Variants in LRBA observed in about 807,000 individuals in gnomAD.
The protein encoded by LRBA is LPS responsive beige-like anchor protein.
In LRBA, 176 loss-of-function variants were observed where a neutral mutation model predicts 330.0. The ratio of observed to expected loss-of-function variants is 0.53; its 90% CI spans 0.47 to 0.60. LRBA has a LOEUF of 0.60. Ranked by LOEUF, LRBA falls within the 20% of genes least tolerant of loss-of-function variation. The probability of loss-of-function intolerance (pLI) is 0.00; values close to 1 mark genes in which losing one functional copy is unlikely to be tolerated. For missense variants in LRBA, 3,259 were observed against 3,444.8 expected, an observed-to-expected ratio of 0.95 and a Z score of 1.35; for synonymous variants, 1,230 against 1,193.0, an observed-to-expected ratio of 1.03 and a Z score of -0.64.
chr4:150,943,689 A>G (rs1198077783), intron 2 of LRBA, among the ~76,000 whole-genome samples: 1 of 152,236 alleles, frequency 6.6e-6, no homozygotes, highest in Non-Finnish European at 1.5e-5. Context: ...TGAAGTTAGT[A>G]AGTAAACAAA....
chr4:150,739,767 C>T (rs1731697649), intron 35 of LRBA, among the ~76,000 whole-genome samples: 2 of 152,080 alleles, frequency 1.3e-5, no homozygotes, highest in South Asian at 4.1e-4. Context: ...TGAGTAGAGC[C>T]CCAGACAACA....
chr4:150,285,021 A>G (rs1365398436), intron 54 of LRBA, among the ~76,000 whole-genome samples: 1 of 152,220 alleles, frequency 6.6e-6, no homozygotes, highest in Non-Finnish European at 1.5e-5. Flanking sequence ...ATTGAGTATA[A>G]GGGAAAAATC....
intron 53 of LRBA, among the ~76,000 whole-genome samples, chr4:150,288,287 C>A (rs1186712751): frequency 2.0e-5 from 3 of 151,484 alleles, no homozygotes; most frequent in Admixed American, 1.3e-4. Flanking sequence ...CCAGGATCCA[C>A]AAATTTTAGG....
intron 37 of LRBA, among the ~76,000 whole-genome samples, chr4:150,615,089 CA>C (rs1252157054): frequency 6.6e-6 from 1 of 152,166 alleles, no homozygotes; most frequent in African/African-American, 2.4e-5. Flanking sequence ...TATCTTAAAG[CA>C]AAAGGATTTC....
At chr4:150,605,196 T>C (rs1774506244) in intron 37 of LRBA, among the ~76,000 whole-genome samples, 1 of 152,208 alleles carries the variant, frequency 6.6e-6, no homozygotes, top group Non-Finnish European at 1.5e-5. Context: ...CCAGTTATTC[T>C]ACAACCTAGA....
At chr4:150,393,012 TA>T (rs879480519) in intron 47 of LRBA, among the ~76,000 whole-genome samples, 40 of 144,568 alleles carry the variant, frequency 2.8e-4, no homozygotes, top group Admixed American at 4.1e-4. Context: ...AACTTAAAGT[TA>T]AAAAAAAAAG....
At chr4:150,996,746 T>C (rs1490538559) in intron 2 of LRBA, among the ~76,000 whole-genome samples, 4 of 152,170 alleles carry the variant, frequency 2.6e-5, no homozygotes, top group African/African-American at 7.2e-5. Context: ...ACACAACTTA[T>C]ATTAATAATC....
At chr4:150,390,984 T>A (rs551630749) in intron 47 of LRBA, among the ~76,000 whole-genome samples, 105 of 152,254 alleles carry the variant, frequency 6.9e-4, no homozygotes, top group Admixed American at 1.2e-3. Context: ...AGACCCATCC[T>A]CCCTTGCAGT....
At chr4:150,278,179 A>G (rs1170433902) in intron 55 of LRBA, among the ~76,000 whole-genome samples, 175 bp from the exon 56 acceptor site, 1 of 152,186 alleles carries the variant, frequency 6.6e-6, no homozygotes, top group East Asian at 1.9e-4. Flanking sequence ...TCAAAAACCA[A>G]ATGGACAAAG....
At chr4:150,639,813 GTGTGTGTATATA>G (rs1561457895) in intron 37 of LRBA, among the ~76,000 whole-genome samples, 74 of 7,258 alleles carry the variant, frequency 0.01, 4 homozygotes, top group African/African-American at 0.013. Context: ...ATATGTGTGT[GTGTGTGTATATA>G]TATATATATA....
At chr4:150,867,551 C>T in intron 22 of LRBA, 120 bp downstream of exon 22, 1 of 660,898 alleles carries the variant, frequency 1.5e-6, no homozygotes, top group Non-Finnish European at 2.5e-6. Flanking sequence ...TTTTGCTGTA[C>T]TTTCAGAAGA....
At chr4:150,324,845 A>G (rs75712653) in intron 49 of LRBA, among the ~76,000 whole-genome samples, 253 of 152,308 alleles carry the variant, frequency 1.7e-3, no homozygotes, top group Non-Finnish European at 2.8e-3. Flanking sequence ...TTGAAAAACA[A>G]TATGTATAGT....
At chr4:150,642,518 T>G (rs1778779228) in intron 37 of LRBA, among the ~76,000 whole-genome samples, 1 of 151,800 alleles carries the variant, frequency 6.6e-6, no homozygotes, top group Admixed American at 6.6e-5. Flanking sequence ...GGAAAATATA[T>G]TAATAGGAAA....
chr4:150,303,996 A>G (rs1489838394), intron 52 of LRBA, among the ~76,000 whole-genome samples: 2 of 152,192 alleles, frequency 1.3e-5, no homozygotes, highest in African/African-American at 4.8e-5. Context: ...TAGCTTACAT[A>G]TTTCCTTTGA....
chr4:150,366,688 C>T (rs915828877), intron 47 of LRBA, among the ~76,000 whole-genome samples: 3 of 152,114 alleles, frequency 2.0e-5, no homozygotes, highest in South Asian at 2.1e-4. Context: ...TGGCTTCAAA[C>T]GATGCCACCC....
chr4:150,597,393 A>C (rs2126500385), intron 38 of LRBA, among the ~76,000 whole-genome samples: 1 of 152,024 alleles, frequency 6.6e-6, no homozygotes, highest in African/African-American at 2.4e-5. Context: ...ATTTTAATAA[A>C]TTCTATATTA....
intron 48 of LRBA, among the ~76,000 whole-genome samples, chr4:150,337,356 T>G (rs1734893302): frequency 6.6e-6 from 1 of 152,158 alleles, no homozygotes; most frequent in South Asian, 2.1e-4. Flanking sequence ...TTCATGTCCT[T>G]GAGTGTATAA....
chr4:150,673,295 T>A (rs780839921), intron 37 of LRBA, among the ~76,000 whole-genome samples: 5 of 152,206 alleles, frequency 3.3e-5, no homozygotes, highest in Non-Finnish European at 5.9e-5. Context: ...GTAAAAGAAT[T>A]TCTAATTCGG....
chr4:150,675,050 CCCAGAAAGAAAAAAAAAATAG>C (rs1782413215), intron 37 of LRBA, among the ~76,000 whole-genome samples: 1 of 151,654 alleles, frequency 6.6e-6, no homozygotes, highest in Non-Finnish European at 1.5e-5. Context: ...GACTTTGTTG[CCCAGAAAGAAAAAAAAAATAG>C]CCAGATGTGG....
Sources: allele counts gnomAD v4.1 joint callset (sites outside exome capture counted in the v4.1 genomes callset), GRCh38; gene constraint gnomAD v4.1.1; transcripts MANE v1.5; gene names NCBI Gene and HGNC (gene_info 2026-07-23, HGNC 2026-07-21).